The following FMN1 variants were observed in gnomAD, a reference collection of about 807,000 sequenced individuals.
FMN1 encodes the protein formin-1.
A neutral mutation model predicts 132.4 loss-of-function variants in FMN1; 110 were observed. The ratio of observed to expected loss-of-function variants is 0.83; its 90% CI spans 0.71 to 0.97. The LOEUF is 0.97. FMN1 is among the 50% of genes least tolerant of loss of function. FMN1 has a pLI of 0.00. For missense variants in FMN1, 1,792 were observed against 1,705.3 expected (o/e 1.05, Z -0.90); for synonymous variants, 722 against 651.7 (o/e 1.11, Z -1.64).
At chr15:32,956,138 T>G (rs1285882653) in intron 9 of FMN1, among the ~76,000 whole-genome samples, 1 of 152,114 alleles carries the variant, frequency 6.6e-6, no homozygotes, top group Non-Finnish European at 1.5e-5. Flanking sequence ...GGTTCTAGGA[T>G]CCATGCAACT....
intron 19 of FMN1, among the ~76,000 whole-genome samples, chr15:32,782,321 A>C (rs56903772): frequency 0.013 from 1,981 of 152,288 alleles, 39 homozygotes; most frequent in African/African-American, 0.041. Flanking sequence ...TGTTTTTCTG[A>C]CTTAAACAAT....
intron 4 of FMN1, among the ~76,000 whole-genome samples, chr15:33,095,837 T>C (rs2039063789): frequency 6.6e-6 from 1 of 152,128 alleles, no homozygotes; most frequent in Non-Finnish European, 1.5e-5. Flanking sequence ...ATGTAATTAC[T>C]GGTTGTCTTA....
At chr15:33,078,018 G>A (rs1311432232) in intron 5 of FMN1, among the ~76,000 whole-genome samples, 1 of 151,726 alleles carries the variant, frequency 6.6e-6, no homozygotes, top group Non-Finnish European at 1.5e-5. Context: ...GGAGAAATAG[G>A]AACACCAATT....
chr15:33,176,497 C>A (rs1196278032), intron 3 of FMN1, among the ~76,000 whole-genome samples: 1 of 96,048 alleles, frequency 1.0e-5, no homozygotes, highest in African/African-American at 4.4e-5. Flanking sequence ...CAGAGTGAGA[C>A]CCTGTCTCCA....
At chr15:32,822,644 T>C (rs1483197109) in intron 17 of FMN1, among the ~76,000 whole-genome samples, 3 of 152,216 alleles carry the variant, frequency 2.0e-5, no homozygotes, top group African/African-American at 4.8e-5. Flanking sequence ...TTATTTTTCA[T>C]TGCCTCTGTT....
chr15:33,011,735 A>G (rs1185410703), intron 6 of FMN1, among the ~76,000 whole-genome samples: 1 of 152,176 alleles, frequency 6.6e-6, no homozygotes, highest in Non-Finnish European at 1.5e-5. Context: ...AAATATATAA[A>G]TGCATCCTAC....
At chr15:33,193,668 G>T (rs949182594) in intron 2 of FMN1, among the ~76,000 whole-genome samples, 1 of 152,122 alleles carries the variant, frequency 6.6e-6, no homozygotes, top group African/African-American at 2.4e-5. Context: ...TTCGGAGTGT[G>T]TGAGTGCTAA....
At chr15:32,802,423 CTT>C (rs2057510780) in intron 18 of FMN1, among the ~76,000 whole-genome samples, 3 of 152,322 alleles carry the variant, frequency 2.0e-5, no homozygotes, top group Admixed American at 6.5e-5. Flanking sequence ...AATTGTTTCT[CTT>C]GAGAATAAAA....
intron 17 of FMN1, among the ~76,000 whole-genome samples, chr15:32,855,094 A>G (rs1018264773): frequency 3.3e-5 from 5 of 150,750 alleles, no homozygotes; most frequent in Admixed American, 2.0e-4. Flanking sequence ...AATACACATT[A>G]AAAGGTGAAC....
At chr15:33,092,978 T>TA (rs1485551532) in intron 4 of FMN1, among the ~76,000 whole-genome samples, 1 of 152,240 alleles carries the variant, frequency 6.6e-6, no homozygotes, top group Non-Finnish European at 1.5e-5. Context: ...AAAAGTTATT[T>TA]ACCAGATATT....
intron 17 of FMN1, among the ~76,000 whole-genome samples, chr15:32,814,629 C>G (rs2057994038): frequency 6.6e-6 from 1 of 152,216 alleles, no homozygotes; most frequent in Non-Finnish European, 1.5e-5. Flanking sequence ...TTTACAATCA[C>G]AAGGCTCTGG....
chr15:33,022,385 C>G (rs577971209), intron 6 of FMN1, among the ~76,000 whole-genome samples: 4 of 152,210 alleles, frequency 2.6e-5, no homozygotes, highest in Non-Finnish European at 1.5e-5. Context: ...ATGAGCCAAA[C>G]TGAAACAACC....
chr15:33,015,595 G>C (rs1257673441), intron 6 of FMN1, among the ~76,000 whole-genome samples: 1 of 152,128 alleles, frequency 6.6e-6, no homozygotes, highest in Non-Finnish European at 1.5e-5. Flanking sequence ...CCACTGAGTA[G>C]GAAACATGGA....
At chr15:33,055,624 A>C (rs557916541) in intron 6 of FMN1, among the ~76,000 whole-genome samples, 13 of 152,202 alleles carry the variant, frequency 8.5e-5, no homozygotes, top group Non-Finnish European at 1.5e-4. Flanking sequence ...AAAAACAAAC[A>C]AAAAAATCAA....
chr15:32,840,623 G>A (rs1042617427), intron 17 of FMN1, among the ~76,000 whole-genome samples: 3 of 152,190 alleles, frequency 2.0e-5, no homozygotes, highest in Non-Finnish European at 4.4e-5. Context: ...TGGCTATTTC[G>A]TTCAGTGCCA....
chr15:32,776,551 A>T (rs1269242771), intron 20 of FMN1, among the ~76,000 whole-genome samples: 2 of 152,200 alleles, frequency 1.3e-5, no homozygotes, highest in Non-Finnish European at 2.9e-5. Flanking sequence ...CTTTGAGATA[A>T]GGGTGACTGT....
At chr15:32,985,758 A>T (rs1286768112) in intron 7 of FMN1, among the ~76,000 whole-genome samples, 2 of 152,042 alleles carry the variant, frequency 1.3e-5, no homozygotes, top group African/African-American at 4.8e-5. Flanking sequence ...TGTTTTGTTT[A>T]GTGCCCCTCC....
chr15:33,006,872 C>G (rs1169067084), intron 7 of FMN1, among the ~76,000 whole-genome samples: 2 of 151,756 alleles, frequency 1.3e-5, no homozygotes, highest in African/African-American at 2.4e-5. Context: ...ATGGTGGTTA[C>G]CAGGGGCTAG....
chr15:33,073,917 G>A (rs2038096959), intron 5 of FMN1, among the ~76,000 whole-genome samples: 2 of 152,092 alleles, frequency 1.3e-5, no homozygotes, highest in African/African-American at 2.4e-5. Flanking sequence ...TTTTTCTAGA[G>A]ACGGGGTTTC....
Sources: gnomAD v4.1 joint callset for allele counts (sites outside exome capture counted in the v4.1 genomes callset) on GRCh38, gnomAD v4.1.1 for gene constraint, MANE v1.5 for transcripts, NCBI Gene and HGNC (gene_info 2026-07-23, HGNC 2026-07-21) for gene names.